Variants in PAPSS1 observed in about 807,000 individuals in gnomAD.
PAPSS1 encodes the protein bifunctional 3'-phosphoadenosine 5'-phosphosulfate synthase 1.
Under a neutral mutation model 72.0 loss-of-function variants are expected in PAPSS1, and 50 were observed. The observed-to-expected ratio is 0.69, with a 90% CI of 0.55 to 0.88. The LOEUF (loss-of-function observed/expected upper bound fraction) is 0.88. Among genes scored for constraint, PAPSS1 ranks in the 40% least tolerant of loss-of-function variants. The pLI is 0.00. For synonymous variants in PAPSS1, 261 were observed against 263.6 expected, an observed-to-expected ratio of 0.99 and a Z score of 0.09; for missense variants, 657 against 782.2, an observed-to-expected ratio of 0.84 and a Z score of 1.91.
chr4:107,697,512 A>G (rs923547944), intron 2 of PAPSS1, among the ~76,000 whole-genome samples: 1 of 152,238 alleles, frequency 6.6e-6, no homozygotes, highest in African/African-American at 2.4e-5. Context: ...TACACAACAA[A>G]AACAACCTAA....
chr4:107,616,456 C>A (rs919528573), intron 11 of PAPSS1, among the ~76,000 whole-genome samples: 6 of 152,032 alleles, frequency 3.9e-5, no homozygotes, highest in African/African-American at 1.4e-4. Context: ...CTAGGGACAC[C>A]AAATATATTC....
At chr4:107,694,147 T>C in intron 2 of PAPSS1, 141 bp from the exon 3 acceptor site, 1 of 618,244 alleles carries the variant, frequency 1.6e-6, no homozygotes. Context: ...CACTGCAGCC[T>C]CAAACTCCTG....
At chr4:107,656,674 T>C (rs1382424159) in intron 7 of PAPSS1, among the ~76,000 whole-genome samples, 1 of 152,150 alleles carries the variant, frequency 6.6e-6, no homozygotes, top group Admixed American at 6.5e-5. Flanking sequence ...TTCCCAGATT[T>C]TCCCTCTCTC....
chr4:107,713,142 G>C (rs1723539993), intron 1 of PAPSS1, among the ~76,000 whole-genome samples: 1 of 151,876 alleles, frequency 6.6e-6, no homozygotes, highest in South Asian at 2.1e-4. Context: ...TAGAGACGAG[G>C]TTTCACCATG....
intron 3 of PAPSS1, among the ~76,000 whole-genome samples, chr4:107,691,205 A>G (rs1326950601): frequency 6.6e-6 from 1 of 152,130 alleles, no homozygotes; most frequent in African/African-American, 2.4e-5. Flanking sequence ...CCAAGTAACC[A>G]TCAAAATTTA....
At chr4:107,619,886 A>T (rs958741539) in intron 11 of PAPSS1, among the ~76,000 whole-genome samples, 1 of 151,878 alleles carries the variant, frequency 6.6e-6, no homozygotes, top group African/African-American at 2.4e-5. Context: ...CAAGGAGGGG[A>T]AAAAAACCCG....
chr4:107,654,177 T>C (rs534305269), intron 8 of PAPSS1, among the ~76,000 whole-genome samples: 126 of 152,334 alleles, frequency 8.3e-4, no homozygotes, highest in African/African-American at 2.8e-3. Flanking sequence ...GTGCCAACAA[T>C]GTGCCCAGCT....
intron 9 of PAPSS1, among the ~76,000 whole-genome samples, chr4:107,649,328 T>C (rs2110315001): frequency 6.6e-6 from 1 of 152,368 alleles, no homozygotes; most frequent in African/African-American, 2.4e-5. Flanking sequence ...CCCAGTGGCC[T>C]TCCCACAGCT....
At chr4:107,705,390 A>G (rs1363156307) in intron 1 of PAPSS1, among the ~76,000 whole-genome samples, 1 of 152,184 alleles carries the variant, frequency 6.6e-6, no homozygotes, top group Non-Finnish European at 1.5e-5. Context: ...ATAGTTCCAA[A>G]GTGTGGCACT....
chr4:107,666,706 C>T (rs1262069692), intron 5 of PAPSS1, among the ~76,000 whole-genome samples: 1 of 152,184 alleles, frequency 6.6e-6, no homozygotes, highest in Non-Finnish European at 1.5e-5. Context: ...GTACAATTCA[C>T]TTCAGAAGAG....
chr4:107,644,924 C>T lies in PAPSS1; in HGVS notation c.1384G>A (p.Asp462Asn). The change falls in exon 10 of 12, where the codon GAT becomes AAT. Residue 462 changes from aspartate to asparagine, a missense_variant. Physicochemically the swap from Asp to Asn is conservative, Grantham distance 23. Coordinates refer to ENST00000265174, the MANE Select transcript of PAPSS1 (RefSeq NM_005443.5). ...TTCATACGCCACATCAAAGGAACAT[C>T]GTCATCCTTTGTCCAGCCACCCAGA... ...HPLGGWTKDD[D>N]VPLMWRMKQH... The T allele has an allele frequency of 2.5e-6, 4 of 1,614,048 alleles. No individual in the cohort carries two copies. Among genetic ancestry groups the T allele is most frequent in the East Asian group, 2.2e-5 (1 of 44,852 alleles).
At chr4:107,657,693 T>C (rs912442386) in intron 6 of PAPSS1, among the ~76,000 whole-genome samples, 6 of 151,026 alleles carry the variant, frequency 4.0e-5, no homozygotes, top group African/African-American at 1.5e-4. Flanking sequence ...ACTGAGATCA[T>C]GCCACTGCAC....
chr4:107,673,833 A>T (rs62311645), intron 5 of PAPSS1, among the ~76,000 whole-genome samples: 29,266 of 152,236 alleles, frequency 0.19, 3,120 homozygotes, highest in East Asian at 0.37. Flanking sequence ...AGCCCATCAG[A>T]CTAACAGCTG....
intron 6 of PAPSS1, among the ~76,000 whole-genome samples, chr4:107,659,485 G>C (rs1727112636): frequency 6.6e-6 from 1 of 151,986 alleles, no homozygotes; most frequent in Non-Finnish European, 1.5e-5. Flanking sequence ...TTCTCATCAT[G>C]CTTAACTACG....
At chr4:107,692,632 T>G (rs1323355044) in intron 3 of PAPSS1, among the ~76,000 whole-genome samples, 2 of 152,146 alleles carry the variant, frequency 1.3e-5, no homozygotes, top group African/African-American at 4.8e-5. Context: ...ATCCCAGTAC[T>G]GAGTATATAC....
chr4:107,670,796 C>T (rs1727447128), intron 5 of PAPSS1, among the ~76,000 whole-genome samples: 1 of 152,162 alleles, frequency 6.6e-6, no homozygotes, highest in South Asian at 2.1e-4. Flanking sequence ...CTTCAGTTTC[C>T]CAAAGTGCTG....
At chr4:107,629,225 G>A (rs1249731132) in intron 11 of PAPSS1, among the ~76,000 whole-genome samples, 3 of 152,140 alleles carry the variant, frequency 2.0e-5, no homozygotes, top group South Asian at 4.1e-4. Context: ...GGTTAAGCTT[G>A]GGTAAAAAGA....
intron 11 of PAPSS1, among the ~76,000 whole-genome samples, chr4:107,626,567 G>T (rs547597091): frequency 6.6e-6 from 1 of 152,258 alleles, no homozygotes; most frequent in East Asian, 1.9e-4. Flanking sequence ...ATAAACAGAT[G>T]ATTTTTATCA....
At chr4:107,621,800 A>G (rs1193600818) in intron 11 of PAPSS1, among the ~76,000 whole-genome samples, 2 of 145,688 alleles carry the variant, frequency 1.4e-5, no homozygotes, top group Non-Finnish European at 3.0e-5. Flanking sequence ...TTTTTTTTGT[A>G]TTTTTTTTTA....
Sources: gnomAD v4.1 joint callset for allele counts (sites outside exome capture counted in the v4.1 genomes callset) on GRCh38, gnomAD v4.1.1 for gene constraint, MANE v1.5 for transcripts, NCBI Gene and HGNC (gene_info 2026-07-23, HGNC 2026-07-21) for gene names.